ZNF69: variants seen among roughly 807,000 people sequenced by gnomAD.
ZNF69 encodes zinc finger protein 69.
ZNF69 carries 47 observed loss-of-function variants against 50.9 expected under a neutral mutation model. That is an observed-to-expected ratio of 0.92 (90% confidence interval 0.73 to 1.18). The LOEUF is 1.18. ZNF69 is among the 50% of genes most tolerant of loss of function. The pLI, the probability that ZNF69 is intolerant of heterozygous loss-of-function variation, is 0.00. For missense variants in ZNF69, 717 were observed against 675.1 expected, an observed-to-expected ratio of 1.06 and a Z score of -0.69; for synonymous variants, 216 against 223.1, an observed-to-expected ratio of 0.97 and a Z score of 0.29.
the ZNF69 span, among the ~76,000 whole-genome samples, chr19:11,954,864 A>C: frequency 6.6e-6 from 1 of 152,100 alleles, no homozygotes; most frequent in Admixed American, 6.6e-5. Context: ...TTGCAGCTTC[A>C]GATTTTTTTT....
chr19:11,951,567 TATCTC>T, the ZNF69 span, among the ~76,000 whole-genome samples: 1 of 152,134 alleles, frequency 6.6e-6, no homozygotes, highest in African/African-American at 2.4e-5. Context: ...TGCCAAAAGT[TATCTC>T]ATATACCTCT....
exon 5 of ZNF69, chr19:11,914,269 T>C (rs1269512879): frequency 6.6e-6 from 1 of 151,324 alleles, no homozygotes; most frequent in African/African-American, 2.4e-5. Context: ...TGAGCCGAGG[T>C]CACACCATTC....
chr19:11,913,320 CTTTT>C (rs937235375), intron 4 of ZNF69: 1 of 438,026 alleles, frequency 2.3e-6, no homozygotes, highest in Non-Finnish European at 4.2e-6. Context: ...TGCCAGGCAT[CTTTT>C]TTTTTTCGGA....
the ZNF69 span, among the ~76,000 whole-genome samples, chr19:11,972,242 A>T: frequency 6.6e-6 from 1 of 151,866 alleles, no homozygotes; most frequent in Non-Finnish European, 1.5e-5. Flanking sequence ...CTATGATTGC[A>T]CCACCACACT....
At chr19:11,892,678 T>C (rs1366970503) in intron 1 of ZNF69, among the ~76,000 whole-genome samples, 2 of 152,078 alleles carry the variant, frequency 1.3e-5, no homozygotes, top group Non-Finnish European at 1.5e-5. Flanking sequence ...TTTACAACAT[T>C]TTACAAAACA....
chr19:11,947,769 G>A, the ZNF69 span, among the ~76,000 whole-genome samples: 1 of 152,238 alleles, frequency 6.6e-6, no homozygotes, highest in South Asian at 2.1e-4. Context: ...CCTTTGAGAA[G>A]TGGAGATAGG....
At chr19:11,923,396 A>C in the ZNF69 span, among the ~76,000 whole-genome samples, 53,334 of 152,008 alleles carry the variant, frequency 0.35, 10,237 homozygotes, top group African/African-American at 0.5. Context: ...CACAAGCTGC[A>C]ACAGCACCCC....
In ZNF69 at chr19:11,905,245, A is replaced by G; in HGVS notation, c.848A>G (p.Lys283Arg). The G allele has an allele frequency of 6.2e-6, 10 of 1,614,184 alleles. No individual in the cohort carries two copies. The highest frequency in any genetic ancestry group is 8.5e-6 in the Non-Finnish European group (10 of 1,180,038). ...CCTTATGAATGTCAGCAATGTGGGA[A>G]AGCATTTCATAGTCCCAGATGCTAT... ...EKPYECQQCGKAFHSPRCYRR... is the reference protein window; with the variant it reads ...EKPYECQQCGRAFHSPRCYRR... The change falls in exon 4 of 4, where the codon AAA becomes AGA. Residue 283 changes from lysine (K) to arginine (R), a missense_variant. By Grantham distance (26) the Lys-to-Arg change is conservative. Coordinates refer to ENST00000429654, the MANE Select transcript of ZNF69 (RefSeq NM_001364730.1).
At chr19:11,893,445 T>C (rs998311464) in intron 1 of ZNF69, among the ~76,000 whole-genome samples, 1 of 152,226 alleles carries the variant, frequency 6.6e-6, no homozygotes, top group Non-Finnish European at 1.5e-5. Flanking sequence ...CAGTGAAATC[T>C]GTGTCTGAAC....
At chr19:11,979,102 C>T in the ZNF69 span, 3 of 1,613,850 alleles carry the variant, frequency 1.9e-6, no homozygotes, top group South Asian at 2.2e-5. Flanking sequence ...TGGAGAAAGA[C>T]CTTATAAATG....
chr19:11,915,911 G>GA (rs371427650), downstream of ZNF69, among the ~76,000 whole-genome samples: 255 of 150,840 alleles, frequency 1.7e-3, 1 homozygote, highest in African/African-American at 5.8e-3. Context: ...CTCCAAAAAA[G>GA]AAAAAAAAAG....
chr19:11,979,716 G>A, the ZNF69 span: 1 of 1,600,002 alleles, frequency 6.2e-7, no homozygotes, highest in Non-Finnish European at 8.5e-7. Flanking sequence ...CCCTACGAGT[G>A]TAAGCAATGT....
chr19:11,917,042 GGTGTT>G (rs575755151), downstream of ZNF69, among the ~76,000 whole-genome samples: 25 of 152,256 alleles, frequency 1.6e-4, no homozygotes, highest in Non-Finnish European at 2.9e-4. Context: ...ACTTGAGTAA[GGTGTT>G]GTACAGGACC....
the ZNF69 span, among the ~76,000 whole-genome samples, chr19:11,954,989 CAA>C: frequency 7.5e-6 from 1 of 134,076 alleles, no homozygotes; most frequent in East Asian, 2.2e-4. Flanking sequence ...GAGTTTGTTT[CAA>C]AAAAATTTTT....
At chr19:11,904,180 G>C (rs543752806) in intron 3 of ZNF69, among the ~76,000 whole-genome samples, 3 of 152,256 alleles carry the variant, frequency 2.0e-5, no homozygotes, top group Admixed American at 6.5e-5. Flanking sequence ...ATAGCTTGAG[G>C]CCAGCAGTTC....
At chr19:11,912,597 T>A (rs1041003557) in intron 4 of ZNF69, among the ~76,000 whole-genome samples, 2 of 151,952 alleles carry the variant, frequency 1.3e-5, no homozygotes, top group Non-Finnish European at 2.9e-5. Context: ...AGGACTCACA[T>A]GGGAGAGAAA....
intron 1 of ZNF69, among the ~76,000 whole-genome samples, chr19:11,898,208 A>G (rs1333271605): frequency 6.6e-6 from 1 of 152,106 alleles, no homozygotes; most frequent in Non-Finnish European, 1.5e-5. Context: ...CCAATATGTG[A>G]TATTTCATAT....
chr19:11,954,138 G>C, the ZNF69 span, among the ~76,000 whole-genome samples: 1 of 152,078 alleles, frequency 6.6e-6, no homozygotes, highest in Non-Finnish European at 1.5e-5. Flanking sequence ...ATATATGGGA[G>C]CCTTCAGAAT....
the ZNF69 span, chr19:11,978,920 G>A: frequency 6.2e-7 from 1 of 1,614,116 alleles, no homozygotes. Context: ...GACATAAAAG[G>A]AGTCACACGG....
Sources: allele counts gnomAD v4.1 joint callset (sites outside exome capture counted in the v4.1 genomes callset), GRCh38; gene constraint gnomAD v4.1.1; transcripts MANE v1.5; gene names NCBI Gene and HGNC (gene_info 2026-07-23, HGNC 2026-07-21).